C10orf67: variants seen among roughly 807,000 people sequenced by gnomAD.
C10orf67 encodes uncharacterized protein C10orf67, mitochondrial.
In C10orf67, 60 loss-of-function variants were observed where a neutral mutation model predicts 35.6. The observed-to-expected ratio is 1.68, with a 90% CI of 1.37 to 2.09. C10orf67 has a LOEUF of 2.09. Among genes scored for constraint, C10orf67 ranks in the 30% most tolerant of loss-of-function variants. The probability of loss-of-function intolerance (pLI) is 0.00; values close to 1 mark genes in which losing one functional copy is unlikely to be tolerated. For synonymous variants in C10orf67, 167 were observed against 115.8 expected (o/e 1.44, Z -2.84); for missense variants, 474 against 330.2 (o/e 1.44, Z -3.38).
intron 15 of C10orf67, among the ~76,000 whole-genome samples, chr10:23,208,543 T>C (rs961107529): frequency 2.0e-5 from 3 of 152,218 alleles, no homozygotes; most frequent in Non-Finnish European, 4.4e-5. Context: ...CAGAATGTGC[T>C]AGTCATTGAG....
rs539829512 is a variant in C10orf67, at chr10:23,252,175, A to G, written c.1201-1484T>C. On this transcript the variant is annotated intron_variant, in intron 10 of 15. Transcript: ENST00000636213. ...TTATTTCTGTCTGCCATTTTGCACTATGTTCTAGGAAATTTTCTTCACTTT... is the reference window on the plus strand; with the variant it reads ...TTATTTCTGTCTGCCATTTTGCACTGTGTTCTAGGAAATTTTCTTCACTTT... Among the ~76,000 whole-genome samples the G allele has an allele frequency of 3.3e-3, 504 of 152,176 alleles. 1 individual carries two copies. Among genetic ancestry groups the G allele is most frequent in the Admixed American group, 5.9e-3 (90 of 15,274 alleles).
intron 13 of C10orf67, among the ~76,000 whole-genome samples, chr10:23,226,461 A>G (rs936955368): frequency 1.6e-4 from 24 of 151,916 alleles, no homozygotes; most frequent in Admixed American, 3.9e-4. Flanking sequence ...GAAATTTATC[A>G]CACTAAATGC....
intron 15 of C10orf67, among the ~76,000 whole-genome samples, chr10:23,222,530 T>A (rs899603005): frequency 6.6e-6 from 1 of 152,022 alleles, no homozygotes; most frequent in Admixed American, 6.6e-5. Flanking sequence ...AGGTAAGGGT[T>A]GAAAAACTTC....
At chr10:23,297,871 G>T (rs935387394) in intron 5 of C10orf67, among the ~76,000 whole-genome samples, 1 of 152,130 alleles carries the variant, frequency 6.6e-6, no homozygotes, top group African/African-American at 2.4e-5. Context: ...CATTCACATC[G>T]TAAGATATCC....
intron 8 of C10orf67, among the ~76,000 whole-genome samples, chr10:23,267,669 C>T (rs1032426232): frequency 1.3e-5 from 2 of 152,182 alleles, no homozygotes; most frequent in Admixed American, 1.3e-4. Flanking sequence ...CTTTGGGAGG[C>T]TGAGGCAGGT....
intron 4 of C10orf67, among the ~76,000 whole-genome samples, chr10:23,315,992 T>C (rs575577845): frequency 1.3e-5 from 2 of 152,214 alleles, no homozygotes; most frequent in African/African-American, 4.8e-5. Context: ...ACAGGATCCT[T>C]GGGGTGTTGC....
At chr10:23,264,668 C>T (rs568927854) in intron 10 of C10orf67, among the ~76,000 whole-genome samples, 6 of 152,306 alleles carry the variant, frequency 3.9e-5, no homozygotes, top group Admixed American at 3.3e-4. Flanking sequence ...CCGGAGCTTC[C>T]AAGCTGGAAT....
chr10:23,294,793 C>A (rs188891353), intron 5 of C10orf67, among the ~76,000 whole-genome samples: 9 of 151,906 alleles, frequency 5.9e-5, no homozygotes, highest in Non-Finnish European at 7.4e-5. Context: ...CCCGTGTTCC[C>A]AATCTAATTT....
At chr10:23,204,510 G>A (rs1022772452) in intron 15 of C10orf67, among the ~76,000 whole-genome samples, 1 of 152,112 alleles carries the variant, frequency 6.6e-6, no homozygotes, top group Non-Finnish European at 1.5e-5. Flanking sequence ...GGGGCTCTCC[G>A]GCAGCCCCAG....
chr10:23,255,268 A>G (rs1432120057), intron 10 of C10orf67, among the ~76,000 whole-genome samples: 2 of 152,238 alleles, frequency 1.3e-5, no homozygotes, highest in East Asian at 1.9e-4. Context: ...ATTTATCTAC[A>G]TATATCACTT....
chr10:23,228,633 A>G (rs1374601217), intron 13 of C10orf67, among the ~76,000 whole-genome samples: 2 of 152,188 alleles, frequency 1.3e-5, no homozygotes, highest in Admixed American at 6.5e-5. Flanking sequence ...AAAAGAAACT[A>G]CCATCAGAGT....
At chr10:23,268,641 A>G (rs569793029) in intron 8 of C10orf67, among the ~76,000 whole-genome samples, 4 of 152,360 alleles carry the variant, frequency 2.6e-5, no homozygotes, top group African/African-American at 7.2e-5. Context: ...GTTGGTTTCA[A>G]TGGGTTTGAA....
intron 12 of C10orf67, among the ~76,000 whole-genome samples, chr10:23,240,710 C>CA (rs753624968): frequency 6.6e-6 from 1 of 152,176 alleles, no homozygotes; most frequent in Non-Finnish European, 1.5e-5. Flanking sequence ...TTTACTCACA[C>CA]AAAAGACTCT....
chr10:23,273,905 G>C (rs575951946), intron 8 of C10orf67, among the ~76,000 whole-genome samples: 1 of 152,256 alleles, frequency 6.6e-6, no homozygotes, highest in African/African-American at 2.4e-5. Flanking sequence ...GGTATTGGGG[G>C]AACCAGCCCC....
intron 7 of C10orf67, among the ~76,000 whole-genome samples, chr10:23,288,377 C>T (rs1165205539): frequency 6.6e-6 from 1 of 152,078 alleles, no homozygotes; most frequent in Non-Finnish European, 1.5e-5. Context: ...GAACAGAAAA[C>T]CAAACACCGC....
chr10:23,312,794 G>A (rs1049104087), intron 4 of C10orf67, among the ~76,000 whole-genome samples: 1 of 152,210 alleles, frequency 6.6e-6, no homozygotes, highest in African/African-American at 2.4e-5. Flanking sequence ...GTAGCTCTGA[G>A]TAAGGCAGAT....
At chr10:23,253,321 G>A (rs1320916495) in intron 10 of C10orf67, among the ~76,000 whole-genome samples, 4 of 152,204 alleles carry the variant, frequency 2.6e-5, no homozygotes, top group African/African-American at 9.6e-5. Context: ...GGTCACCAAA[G>A]TGACATGAGA....
chr10:23,267,564 G>C (rs759042730), intron 8 of C10orf67, among the ~76,000 whole-genome samples: 1 of 152,156 alleles, frequency 6.6e-6, no homozygotes, highest in Non-Finnish European at 1.5e-5. Flanking sequence ...GTGATAATTT[G>C]ATACATTAGT....
chr10:23,312,793 A>G (rs1315285965), intron 4 of C10orf67, among the ~76,000 whole-genome samples: 1 of 152,222 alleles, frequency 6.6e-6, no homozygotes. Flanking sequence ...GGTAGCTCTG[A>G]GTAAGGCAGA....
Sources: gnomAD v4.1 joint callset for allele counts (sites outside exome capture counted in the v4.1 genomes callset) on GRCh38, gnomAD v4.1.1 for gene constraint, MANE v1.5 for transcripts, NCBI Gene and HGNC (gene_info 2026-07-23, HGNC 2026-07-21) for gene names.